Variants in TRAF3 observed in about 807,000 individuals in gnomAD.
TRAF3 encodes TNF receptor-associated factor 3.
TRAF3 carries 13 observed loss-of-function variants against 62.3 expected under a neutral mutation model. The observed-to-expected ratio is 0.21, with a 90% CI of 0.14 to 0.33. The LOEUF (loss-of-function observed/expected upper bound fraction) is 0.33. TRAF3 is among the 10% of genes least tolerant of loss of function. TRAF3 has a pLI of 1.00. For synonymous variants in TRAF3, 269 were observed against 283.4 expected (o/e 0.95, Z 0.51); for missense variants, 440 against 741.8 (o/e 0.59, Z 4.73).
intron 10 of TRAF3, among the ~76,000 whole-genome samples, chr14:102,900,498 C>A (rs1287987021): frequency 6.6e-6 from 1 of 151,906 alleles, no homozygotes; most frequent in Non-Finnish European, 1.5e-5. Context: ...AAGACTGTCT[C>A]AAAGAAAAAA....
intron 9 of TRAF3, among the ~76,000 whole-genome samples, chr14:102,895,935 C>T (rs935155669): frequency 6.6e-6 from 1 of 152,130 alleles, no homozygotes; most frequent in Non-Finnish European, 1.5e-5. Context: ...AGGCTGGCCC[C>T]AAGGGTGTAG....
chr14:102,814,760 C>T (rs369312856), intron 1 of TRAF3, among the ~76,000 whole-genome samples: 212 of 152,100 alleles, frequency 1.4e-3, no homozygotes, highest in African/African-American at 4.9e-3. Context: ...TGAGCTCAAG[C>T]GGTCCACCCA....
Position 102,905,728 on chromosome 14 carries a change from G to A in TRAF3, c.1651G>A (p.Asp551Asn). The stretch of plus-strand genomic sequence containing the variant: ...TCTAGAAAATGGGACATATATTAAA[G>A]ATGATACAATTTTTATTAAAGTCAT... ...TVLENGTYIK[D>N]DTIFIKVIVD... Residue 551 changes from aspartate (D) to asparagine (N), a missense_variant, in exon 12 of 12, where the codon GAT (aspartate) becomes AAT (asparagine). Asp to Asn is a conservative substitution (Grantham distance 23, BLOSUM62 1). Transcript: ENST00000392745. 1 of 1,612,528 alleles carries A rather than the reference G, an allele frequency of 6.2e-7. No homozygotes were observed. The highest frequency in any genetic ancestry group is 8.5e-7 in the Non-Finnish European group (1 of 1,179,048).
chr14:102,784,898 A>T (rs922762706), intron 1 of TRAF3, among the ~76,000 whole-genome samples: 1 of 152,114 alleles, frequency 6.6e-6, no homozygotes, highest in Admixed American at 6.5e-5. Flanking sequence ...CGTGAGTCGG[A>T]AGGGGTTCTC....
intron 1 of TRAF3, among the ~76,000 whole-genome samples, chr14:102,799,769 T>C (rs913273179): frequency 1.3e-5 from 2 of 152,152 alleles, no homozygotes; most frequent in Non-Finnish European, 2.9e-5. Context: ...TTTCTCATAG[T>C]CTTCTGCTAA....
chr14:102,860,778 A>G (rs1887634478), intron 2 of TRAF3, among the ~76,000 whole-genome samples: 1 of 152,228 alleles, frequency 6.6e-6, no homozygotes. Context: ...GGCAGTTTCC[A>G]CTGCTTTTCC....
chr14:102,850,463 G>A (rs1354872044), intron 2 of TRAF3, among the ~76,000 whole-genome samples: 5 of 152,014 alleles, frequency 3.3e-5, no homozygotes, highest in Admixed American at 2.0e-4. Context: ...TTGGGAGGCC[G>A]AGATGGGTGA....
In TRAF3 at chr14:102,869,418, T is replaced by C. The variant is rs148152397; in HGVS notation, c.-17-767T>C. Among the ~76,000 whole-genome samples the C allele has an allele frequency of 5.7e-3, 869 of 152,308 alleles. 9 individuals carry two copies. Among genetic ancestry groups the C allele is most frequent in the Admixed American group, 9.8e-3 (150 of 15,298 alleles). On this transcript the variant is annotated intron_variant, in intron 2 of 11. Transcript: ENST00000392745. ...TGGCTGAGAACAGCTGTTGTTTCAG[T>C]TAAAATCTCAGAATGATGCATTGAA...
At chr14:102,857,466 T>C (rs535512926) in intron 2 of TRAF3, among the ~76,000 whole-genome samples, 13 of 152,374 alleles carry the variant, frequency 8.5e-5, no homozygotes, top group African/African-American at 3.1e-4. Flanking sequence ...GTTTTTAAAA[T>C]TGGCTTTGAT....
intron 1 of TRAF3, among the ~76,000 whole-genome samples, chr14:102,811,729 GT>G (rs1899170422): frequency 9.1e-4 from 1 of 1,104 alleles, no homozygotes; most frequent in Non-Finnish European, 9.4e-3. Flanking sequence ...TACAGCAGTA[GT>G]GTGTGTGTGT....
intron 2 of TRAF3, among the ~76,000 whole-genome samples, chr14:102,850,267 A>C (rs1886956899): frequency 6.6e-6 from 1 of 152,190 alleles, no homozygotes; most frequent in Non-Finnish European, 1.5e-5. Context: ...TTATGAAAGA[A>C]TTTTCTTAAA....
intron 1 of TRAF3, among the ~76,000 whole-genome samples, chr14:102,816,379 A>G (rs1185595696): frequency 6.6e-6 from 1 of 152,184 alleles, no homozygotes; most frequent in Non-Finnish European, 1.5e-5. Flanking sequence ...CTACGATTAC[A>G]TGCATTAGCT....
At chr14:102,852,105 G>T (rs1887078159) in intron 2 of TRAF3, among the ~76,000 whole-genome samples, 1 of 151,976 alleles carries the variant, frequency 6.6e-6, no homozygotes, top group Non-Finnish European at 1.5e-5. Flanking sequence ...TACCTCAAAA[G>T]AAAATAAATT....
At chr14:102,877,227 G>A (rs564308686) in intron 6 of TRAF3, among the ~76,000 whole-genome samples, 6 of 149,166 alleles carry the variant, frequency 4.0e-5, no homozygotes, top group Admixed American at 2.0e-4. Context: ...CCGTTCCACA[G>A]GCCCTCCCCC....
rs950921404 is a variant in TRAF3, at chr14:102,908,455, C to T, written c.*2671C>T. ...GCAGCCTGGGACGGCGTCCCCTCTC[C>T]CGGCGGCGGGCAAGCCTTGCGCTGC... On this transcript the variant is annotated 3_prime_UTR_variant, in exon 12 of 12. Coordinates refer to ENST00000392745, the MANE Select transcript of TRAF3 (RefSeq NM_145725.3). 1.3e-5 allele frequency: 2 copies of T among 152,452 alleles called. No homozygotes were observed. Among genetic ancestry groups the T allele is most frequent in the African/African-American group, 4.8e-5 (2 of 41,474 alleles). The allele number at this position is 152,452 out of a possible 1,614,324, so 9.4% of individuals were successfully genotyped here.
At chr14:102,887,818 G>A (rs923550573) in intron 7 of TRAF3, among the ~76,000 whole-genome samples, 8 of 151,832 alleles carry the variant, frequency 5.3e-5, no homozygotes, top group Admixed American at 1.3e-4. Flanking sequence ...CATGGTCTCC[G>A]TCTCCTGACC....
chr14:102,821,345 G>C (rs1899978052), intron 1 of TRAF3, among the ~76,000 whole-genome samples: 1 of 152,170 alleles, frequency 6.6e-6, no homozygotes, highest in African/African-American at 2.4e-5. Flanking sequence ...ATGGTCTTTT[G>C]TAATGTATTT....
rs1566807952 is a variant in TRAF3, at chr14:102,900,179, G to GAAAAAAAAA, written c.960+2778_960+2779insAAAAAAAAA. On this transcript the variant is annotated intron_variant, in intron 10 of 11. Transcript: ENST00000392745. ...GGGAGAAAGAGCAAGACTCCGTCTC[G>GAAAAAAAAA]GAAAAAAAAAAAAAAAAAAAAAAAG... Among the ~76,000 whole-genome samples the GAAAAAAAAA allele has an allele frequency of 9.6e-5, 8 of 83,744 alleles. 2 individuals are homozygous for GAAAAAAAAA. Among genetic ancestry groups the GAAAAAAAAA allele is most frequent in the African/African-American group, 2.6e-4 (5 of 19,246 alleles). 54.9% of individuals were successfully genotyped at this position (83,744 alleles called of 152,430 possible).
chr14:102,820,698 G>A (rs1483323642), intron 1 of TRAF3, among the ~76,000 whole-genome samples: 6 of 130,660 alleles, frequency 4.6e-5, no homozygotes, highest in East Asian at 2.5e-4. Context: ...CAATCACAGC[G>A]CACTGCAGTG....
Sources: allele counts gnomAD v4.1 joint callset (sites outside exome capture counted in the v4.1 genomes callset), GRCh38; gene constraint gnomAD v4.1.1; transcripts MANE v1.5; gene names NCBI Gene and HGNC (gene_info 2026-07-23, HGNC 2026-07-21).